FLYWCH1: variants seen among roughly 807,000 people sequenced by gnomAD.
FLYWCH1 encodes the protein FLYWCH-type zinc finger 1.
In FLYWCH1, 75 loss-of-function variants were observed where a neutral mutation model predicts 66.4. That is an observed-to-expected ratio of 1.13 (90% CI 0.94 to 1.37). The LOEUF is 1.37. Ranked by LOEUF, FLYWCH1 falls within the 40% of genes most tolerant of loss-of-function variation. FLYWCH1 has a pLI of 0.00. For synonymous variants in FLYWCH1, 595 were observed against 429.9 expected (o/e 1.38, Z -4.75); for missense variants, 1,334 against 1,001.8 (o/e 1.33, Z -4.48).
intron 6 of FLYWCH1, chr16:2,934,919 CTTTT>C (rs59963690): frequency 5.5e-4 from 80 of 144,798 alleles, no homozygotes; most frequent in South Asian, 4.5e-3. Flanking sequence ...CTTGCACAGG[CTTTT>C]TTTTTTTTTT....
At chr16:2,925,309 G>T (rs2070519679) in intron 2 of FLYWCH1, among the ~76,000 whole-genome samples, 1 of 152,232 alleles carries the variant, frequency 6.6e-6, no homozygotes, top group East Asian at 1.9e-4. Context: ...GGAGGGTGCA[G>T]GGTCAAGGAA....
Position 2,922,809 on chromosome 16 carries a change from G to A in FLYWCH1, c.-73-6804G>A, listed in dbSNP as rs2070420800. The A allele has an allele frequency of 5.7e-6, 3 of 523,236 alleles. No homozygotes were observed. The Admixed American group carries it at 5.8e-5, about 10-fold the overall frequency. The allele number at this position is 523,236 out of a possible 1,614,324, so 32.4% of individuals were successfully genotyped here. A position where few individuals can be genotyped will look rare whatever the true frequency, so the allele number is the denominator to read the frequency against. ...TTCTTCACAGCCTGTTTGAGCTGGT[G>A]CTTGTTGGCTTTAACATCCACAGTG... is the stretch of plus-strand genomic sequence containing the variant. On this transcript the variant is annotated intron_variant, in intron 2 of 9. Transcript: ENST00000253928.
At chr16:2,920,391 T>C (rs2070327320) in intron 2 of FLYWCH1, among the ~76,000 whole-genome samples, 1 of 151,906 alleles carries the variant, frequency 6.6e-6, no homozygotes, top group Non-Finnish European at 1.5e-5. Flanking sequence ...TTCAGGTGCC[T>C]ATAATCCCAG....
intron 9 of FLYWCH1, 79 bp downstream of exon 9, chr16:2,940,171 T>A (rs2071203217): frequency 1.3e-6 from 1 of 745,522 alleles, no homozygotes; most frequent in Non-Finnish European, 2.4e-6. Context: ...ATATTTGCTG[T>A]CTCAGCTTTT....
intron 9 of FLYWCH1, among the ~76,000 whole-genome samples, chr16:2,944,488 T>G (rs571046645): frequency 6.6e-6 from 1 of 152,158 alleles, no homozygotes; most frequent in Non-Finnish European, 1.5e-5. Context: ...TACTATACTT[T>G]TTATCATTAC....
chr16:2,946,050 G>A (rs567524596), intron 9 of FLYWCH1, among the ~76,000 whole-genome samples: 16 of 152,170 alleles, frequency 1.1e-4, no homozygotes, highest in African/African-American at 3.4e-4. Flanking sequence ...AAATATTTTT[G>A]TACAGCTGTA....
At position 2,950,167 on chromosome 16, in the gene FLYWCH1, GGCC is replaced by G. The variant is rs2071632654; in HGVS notation, c.*1441_*1443del. On this transcript the variant is annotated 3_prime_UTR_variant, in exon 10 of 10. Coordinates refer to ENST00000253928, the MANE Select transcript of FLYWCH1 (RefSeq NM_001308068.2). The stretch of plus-strand genomic sequence containing the variant: ...TAAGCCTGGGCAAGTGGCACCCCTG[GGCC>G]AAGGGCAGACTTGCCCACCCGTCCA... The G allele has an allele frequency of 6.6e-6, 1 of 152,260 alleles. No homozygotes were observed. The highest frequency in any genetic ancestry group is 2.4e-5 in the African/African-American group (1 of 41,446). The allele number at this position is 152,260 out of a possible 1,614,324, so 9.4% of individuals were successfully genotyped here.
chr16:2,920,998 CG>C (rs1399216139), intron 2 of FLYWCH1, among the ~76,000 whole-genome samples: 1 of 151,966 alleles, frequency 6.6e-6, no homozygotes, highest in Admixed American at 6.6e-5. Flanking sequence ...CCCGCCACCA[CG>C]CCCAGTTAAT....
At chr16:2,937,685 G>A (rs567647602) in intron 7 of FLYWCH1, among the ~76,000 whole-genome samples, 2 of 152,120 alleles carry the variant, frequency 1.3e-5, no homozygotes, top group Non-Finnish European at 2.9e-5. Flanking sequence ...CTGACGGGCC[G>A]TACGGTGGAT....
rs2071118157 is a variant in FLYWCH1, at chr16:2,938,528, C to T, written c.2050+72C>T. ...CTCTTCCAGCTCAGAACTGATGCCC[C>T]AGGCCAGGCACCCACTGAGCAGACT... On this transcript the variant is annotated intron_variant, in intron 8 of 9. Coordinates refer to ENST00000253928, the MANE Select transcript of FLYWCH1 (RefSeq NM_001308068.2). 2.0e-5 allele frequency: 29 copies of T among 1,417,840 alleles called. No homozygotes were observed. In the South Asian group the frequency reaches 4.4e-4, roughly 21 times the overall value. 87.8% of individuals were successfully genotyped at this position (1,417,840 alleles called of 1,614,324 possible).
chr16:2,927,505 C>T lies in FLYWCH1; in HGVS notation c.-73-2108C>T, dbSNP rs116175959. Among the ~76,000 whole-genome samples the T allele has an allele frequency of 3.4e-3, 517 of 152,284 alleles. 5 individuals carry two copies. The highest frequency in any genetic ancestry group is 0.012 in the African/African-American group (501 of 41,558). On this transcript the variant is annotated intron_variant, in intron 2 of 9. Transcript: ENST00000253928. ...GCTCCAGCAGGAGTTGATGTAGTTA[C>T]AGAATATGTGAAGGCTTGTAATGGG...
At chr16:2,943,040 G>A (rs1421366507) in intron 9 of FLYWCH1, among the ~76,000 whole-genome samples, 1 of 152,072 alleles carries the variant, frequency 6.6e-6, no homozygotes, top group Non-Finnish European at 1.5e-5. Context: ...CTCCTATGTG[G>A]ATACAATACT....
At chr16:2,934,241 C>G (rs759101063) in intron 6 of FLYWCH1, among the ~76,000 whole-genome samples, 1 of 152,154 alleles carries the variant, frequency 6.6e-6, no homozygotes, top group East Asian at 1.9e-4. Flanking sequence ...GACCTCCCTG[C>G]CCTCCTCTTC....
chr16:2,950,791 C>G lies in FLYWCH1; in HGVS notation c.*2064C>G, dbSNP rs914458402. 6.6e-6 allele frequency: 1 copy of G among 152,406 alleles called. No homozygotes were observed. The highest frequency in any genetic ancestry group is 2.1e-4 in the South Asian group (1 of 4,832). The allele number at this position is 152,406 out of a possible 1,614,324, so 9.4% of individuals were successfully genotyped here. A position where few individuals can be genotyped will look rare whatever the true frequency, so the allele number is the denominator to read the frequency against. ...TGACCTTAGAAGACAGACGGCAGCT[C>G]GCGTTGCTGGGCTGAGATTCTCCAA... On this transcript the variant is annotated 3_prime_UTR_variant, in exon 10 of 10. Transcript: ENST00000253928.
intron 4 of FLYWCH1, among the ~76,000 whole-genome samples, chr16:2,931,297 C>T (rs536694967): frequency 8.4e-6 from 1 of 118,614 alleles, no homozygotes; most frequent in African/African-American, 3.4e-5. Flanking sequence ...AGCGAGACTC[C>T]ATCTCAGTAA....
rs937518933 is a variant in FLYWCH1 at position 2,938,424 on chromosome 16, G to A, written c.2018G>A (p.Arg673Gln). 27 of 1,534,744 alleles carry A rather than the reference G, an allele frequency of 1.8e-5. No homozygotes were observed. Among genetic ancestry groups the A allele is most frequent in the South Asian group, 8.9e-5 (7 of 78,508 alleles). ...CTGGAGGCCTTGAGGCAACGGGAGC[G>A]GCTCCCCACCACGGCCCAGCAGGAG... ...AGLEALRQRERLPTTAQQEDP... is the reference protein window; with the variant it reads ...AGLEALRQREQLPTTAQQEDP... Residue 673 changes from arginine to glutamine, a missense_variant, in exon 8 of 10, where the codon CGG becomes CAG. By Grantham distance (43) the Arg-to-Gln change is conservative. Coordinates refer to ENST00000253928, the MANE Select transcript of FLYWCH1 (RefSeq NM_001308068.2).
chr16:2,936,509 T>C, intron 6 of FLYWCH1: 1 of 420,038 alleles, frequency 2.4e-6, no homozygotes, highest in South Asian at 1.6e-5. Flanking sequence ...CTGCTTCCAC[T>C]GCCACCCGAT....
At chr16:2,925,293 A>C (rs1056630244) in intron 2 of FLYWCH1, among the ~76,000 whole-genome samples, 11 of 151,324 alleles carry the variant, frequency 7.3e-5, no homozygotes, top group Admixed American at 2.6e-4. Flanking sequence ...GGCTGGGGGG[A>C]CCCCGGGAGG....
Position 2,938,342 on chromosome 16 carries a change from C to G in FLYWCH1, c.1936C>G (p.Gln646Glu), listed in dbSNP as rs765344821. Residue 646 changes from glutamine (Q) to glutamate (E), a missense_variant, in exon 8 of 10, where the codon CAG becomes GAG. Gln to Glu is a conservative substitution (Grantham distance 29). Transcript: ENST00000253928. The stretch of plus-strand genomic sequence containing the variant: ...GGGCTGCCGCAGCCGCGCCATAACC[C>G]AGGGCCACCGCATCATGGTCATGCG... ...RLGCRSRAIT[Q>E]GHRIMVMRSH... 5.0e-6 allele frequency: 8 copies of G among 1,604,372 alleles called. No homozygotes were observed. The Admixed American group carries it at 1.3e-4, about 27-fold the overall frequency.
Sources: gnomAD v4.1 joint callset for allele counts (sites outside exome capture counted in the v4.1 genomes callset) on GRCh38, gnomAD v4.1.1 for gene constraint, MANE v1.5 for transcripts, NCBI Gene and HGNC (gene_info 2026-07-23, HGNC 2026-07-21) for gene names.